Variants in DDX39A observed in about 807,000 individuals in gnomAD.
DDX39A encodes ATP-dependent RNA helicase DDX39A.
A neutral mutation model predicts 46.3 loss-of-function variants in DDX39A; 13 were observed. The observed-to-expected ratio is 0.28, with a 90% CI of 0.18 to 0.45. The LOEUF (loss-of-function observed/expected upper bound fraction) is 0.45, where lower values mean the gene tolerates loss of function less well. Ranked by LOEUF, DDX39A falls within the 20% of genes least tolerant of loss-of-function variation. The probability of loss-of-function intolerance (pLI) is 1.00; values close to 1 mark genes in which losing one functional copy is unlikely to be tolerated. For missense variants in DDX39A, 352 were observed against 581.8 expected (o/e 0.61, Z 4.06); for synonymous variants, 234 against 224.6 (o/e 1.04, Z -0.38).
At chr19:14,419,243 GC>G (rs1976950171) in intron 1 of DDX39A, 26 bp downstream of exon 1, 2 of 252,890 alleles carry the variant, frequency 7.9e-6, no homozygotes, top group South Asian at 3.1e-5. Flanking sequence ...CCACACCGCG[GC>G]CCCGCGCCCG....
intron 1 of DDX39A, among the ~76,000 whole-genome samples, chr19:14,418,290 C>T (rs1976901799): frequency 6.6e-6 from 1 of 152,030 alleles, no homozygotes; most frequent in Non-Finnish European, 1.5e-5. Context: ...AGTGGGTGGC[C>T]ATGACCGCTA....
chr19:14,415,651 C>T (rs1212668432), intron 1 of DDX39A, among the ~76,000 whole-genome samples: 2 of 151,996 alleles, frequency 1.3e-5, no homozygotes, highest in African/African-American at 4.8e-5. Context: ...CTACATTTTG[C>T]TTAACCACTG....
rs1976491492 is a variant in DDX39A, at chr19:14,409,826, G to A, written c.780C>T (p.Gly260=). ...TGAGTTTGACGTAGTACTGCTGCAG[G>A]CCGTGCAGCGTGAGCTTGGTCTCGT... ...VDDETKLTLH[G]LQQYYVKLKD... The change falls in exon 7 of 11, where the codon GGC becomes GGT. Residue 260 remains glycine (G), a synonymous_variant. Coordinates refer to ENST00000242776, the MANE Select transcript of DDX39A (RefSeq NM_005804.4). The surrounding 1 kb of genome is among the most constrained non-coding windows in gnomAD (Gnocchi z 8.3). 6.2e-7 allele frequency: 1 copy of A among 1,614,010 alleles called. No individual in the cohort carries two copies. The highest frequency in any genetic ancestry group is 1.3e-5 in the African/African-American group (1 of 74,928).
chr19:14,413,346 C>A, intron 1 of DDX39A, 122 bp from the exon 2 acceptor site: 1 of 874,666 alleles, frequency 1.1e-6, no homozygotes, highest in Non-Finnish European at 1.7e-6. Context: ...CTGGGCTGCA[C>A]CTCGCAGCTT....
rs1568325393 is a variant in DDX39A, at chr19:14,410,040, C to T, written c.733-167G>A. ...AAGCTGGATGTAAGCTCTGGCCCGACTCAGGTGTGGACCAAGCTTGACTCC... is the reference window on the plus strand; with the variant it reads ...AAGCTGGATGTAAGCTCTGGCCCGATTCAGGTGTGGACCAAGCTTGACTCC... On this transcript the variant is annotated intron_variant, in intron 6 of 10. Coordinates refer to ENST00000242776, the MANE Select transcript of DDX39A (RefSeq NM_005804.4). The surrounding 1 kb of genome is among the most constrained non-coding windows in gnomAD (Gnocchi z 4.3). The T allele has an allele frequency of 2.7e-6, 3 of 1,095,466 alleles. No homozygotes were observed. Among genetic ancestry groups the T allele is most frequent in the Non-Finnish European group, 4.1e-6 (3 of 726,250 alleles). 67.9% of individuals were successfully genotyped at this position (1,095,466 alleles called of 1,614,324 possible). A position where few individuals can be genotyped will look rare whatever the true frequency, so the allele number is the denominator to read the frequency against.
Position 14,409,075 on chromosome 19 carries a change from A to T in DDX39A, c.1229T>A (p.Val410Glu). ...GTCGATTTCCTCTGGAAGTTCTGCC[A>T]CATTAACTTCAAACCGGTCCTGGAC... ...NDVQDRFEVNVAELPEEIDIS... is the reference protein window; with the variant it reads ...NDVQDRFEVNEAELPEEIDIS... Residue 410 changes from valine (V) to glutamate (E), a missense_variant, in exon 10 of 11, where the codon GTG (valine) becomes GAG (glutamate). Coordinates refer to ENST00000242776, the MANE Select transcript of DDX39A (RefSeq NM_005804.4). This position sits in a 1 kb window ranked among gnomAD's most constrained non-coding sequence, Gnocchi z 8.3. 6.2e-7 allele frequency: 1 copy of T among 1,614,244 alleles called. No individual in the cohort carries two copies. Among genetic ancestry groups the T allele is most frequent in the Non-Finnish European group, 8.5e-7 (1 of 1,180,044 alleles).
intron 1 of DDX39A, among the ~76,000 whole-genome samples, chr19:14,418,580 C>A (rs1976913576): frequency 1.3e-5 from 2 of 152,044 alleles, no homozygotes; most frequent in Admixed American, 1.3e-4. Flanking sequence ...GCCTCAGCCT[C>A]CCGAGTAGCT....
rs1976505134 is a variant in DDX39A at position 14,410,038 on chromosome 19, G to A, written c.733-165C>T. On this transcript the variant is annotated intron_variant, in intron 6 of 10. Coordinates refer to ENST00000242776, the MANE Select transcript of DDX39A (RefSeq NM_005804.4). The surrounding 1 kb of genome is among the most constrained non-coding windows in gnomAD (Gnocchi z 4.3). ...AAAAGCTGGATGTAAGCTCTGGCCC[G>A]ACTCAGGTGTGGACCAAGCTTGACT... 2.7e-6 allele frequency: 3 copies of A among 1,097,634 alleles called. No homozygotes were observed. Among genetic ancestry groups the A allele is most frequent in the South Asian group, 1.3e-5 (1 of 78,350 alleles). 68.0% of individuals were successfully genotyped at this position (1,097,634 alleles called of 1,614,324 possible). A position where few individuals can be genotyped will look rare whatever the true frequency, so the allele number is the denominator to read the frequency against.
At chr19:14,414,329 T>TTAC in intron 1 of DDX39A, among the ~76,000 whole-genome samples, 1 of 37,410 alleles carries the variant, frequency 2.7e-5, no homozygotes, top group Non-Finnish European at 5.6e-5. Context: ...ACCTGTTTTA[T>TTAC]TATTATTATT....
chr19:14,419,354 G>C, upstream of DDX39A: 1 of 216,990 alleles, frequency 4.6e-6, no homozygotes, highest in Non-Finnish European at 9.6e-6. Context: ...GAGTTGCTGC[G>C]CTTCCTGCCT....
chr19:14,414,327 TA>T (rs1379381833), intron 1 of DDX39A, among the ~76,000 whole-genome samples: 6,709 of 36,946 alleles, frequency 0.18, 262 homozygotes, highest in African/African-American at 0.39. Flanking sequence ...TCACCTGTTT[TA>T]TTATTATTAT....
chr19:14,413,107 G>A lies in DDX39A; in HGVS notation c.114C>T (p.Tyr38=), dbSNP rs1188861267. ...GGAAGCCAGAGCTGTGGATGGAAAC[G>A]TAGGATCCCTTGATGTCTTTCTTAG... The part of the protein sequence containing the change: ...APPKKDIKGS[Y]VSIHSSGFRD... Residue 38 remains tyrosine, a synonymous_variant, in exon 2 of 11, where the codon TAC becomes TAT. Coordinates refer to ENST00000242776, the MANE Select transcript of DDX39A (RefSeq NM_005804.4). 13 of 1,614,126 alleles carry A rather than the reference G, an allele frequency of 8.1e-6. No individual in the cohort carries two copies. The East Asian group carries it at 8.9e-5, about 11-fold the overall frequency.
At position 14,408,837 on chromosome 19, in the gene DDX39A, A is replaced by C; in HGVS notation, c.*99T>G. 6.8e-7 allele frequency: 1 copy of C among 1,479,874 alleles called. No individual in the cohort carries two copies. The highest frequency in any genetic ancestry group is 9.0e-7 in the Non-Finnish European group (1 of 1,106,212). The allele number at this position is 1,479,874 out of a possible 1,614,324, so 91.7% of individuals were successfully genotyped here. ...GCCAGGCTTCCATAATAACAAGTTT[A>C]TTCTCATACAATCTCTAGCTTCTCA... On this transcript the variant is annotated 3_prime_UTR_variant, in exon 11 of 11. Coordinates refer to ENST00000242776, the MANE Select transcript of DDX39A (RefSeq NM_005804.4).
At position 14,412,826 on chromosome 19, in the gene DDX39A, G is replaced by T; in HGVS notation, c.209-148C>A. ...AGACACCTGCAGGGCTGGGGTATCCGCCTGGTCAAAGCAGAACGCCCCACT... is the reference window on the plus strand; with the variant it reads ...AGACACCTGCAGGGCTGGGGTATCCTCCTGGTCAAAGCAGAACGCCCCACT... On this transcript the variant is annotated intron_variant, in intron 2 of 10. Coordinates refer to ENST00000242776, the MANE Select transcript of DDX39A (RefSeq NM_005804.4). This position sits in a 1 kb window ranked among gnomAD's most constrained non-coding sequence, Gnocchi z 4.4. The T allele has an allele frequency of 7.7e-7, 1 of 1,299,928 alleles. No individual in the cohort carries two copies. The highest frequency in any genetic ancestry group is 1.0e-6 in the Non-Finnish European group (1 of 958,150). The allele number at this position is 1,299,928 out of a possible 1,614,324, so 80.5% of individuals were successfully genotyped here.
In DDX39A at chr19:14,411,182, TGAG is replaced by T. The variant is rs765956197; in HGVS notation, c.430-13_430-11del. ...CGAAGAACACAGACACCTATGGGGA[TGAG>T]GAGGAAACCGCTCCATGCTGATACA... On this transcript the variant is annotated splice_polypyrimidine_tract_variant and intron_variant, in intron 4 of 10. Coordinates refer to ENST00000242776, the MANE Select transcript of DDX39A (RefSeq NM_005804.4). This position sits in a 1 kb window ranked among gnomAD's most constrained non-coding sequence, Gnocchi z 4.1. The T allele has an allele frequency of 6.4e-7, 1 of 1,564,178 alleles. No individual in the cohort carries two copies. Among genetic ancestry groups the T allele is most frequent in the East Asian group, 2.3e-5 (1 of 44,194 alleles).
chr19:14,410,780 G>C lies in DDX39A; in HGVS notation c.613+209C>G, dbSNP rs1161623330. ...TGTGTGCATGCCTTTACGTCCAGGA[G>C]GGACGGGGGCTTGCTTGGGCCCCGT... is the stretch of plus-strand genomic sequence containing the variant. On this transcript the variant is annotated intron_variant, in intron 5 of 10. Coordinates refer to ENST00000242776, the MANE Select transcript of DDX39A (RefSeq NM_005804.4). This position sits in a 1 kb window ranked among gnomAD's most constrained non-coding sequence, Gnocchi z 4.3. 12 of 556,022 alleles carry C rather than the reference G, an allele frequency of 2.2e-5. No homozygotes were observed. The highest frequency in any genetic ancestry group is 3.8e-5 in the Non-Finnish European group (12 of 315,158). 34.4% of individuals were successfully genotyped at this position (556,022 alleles called of 1,614,324 possible). A position where few individuals can be genotyped will look rare whatever the true frequency, so the allele number is the denominator to read the frequency against.
chr19:14,418,120 CAA>C (rs60701169), intron 1 of DDX39A, among the ~76,000 whole-genome samples: 2,637 of 52,042 alleles, frequency 0.051, 19 homozygotes, highest in African/African-American at 0.11. Flanking sequence ...GGCTCTGTCT[CAA>C]AAAAAAAAAA....
intron 1 of DDX39A, chr19:14,415,881 G>A: frequency 6.0e-6 from 1 of 166,422 alleles, no homozygotes; most frequent in Non-Finnish European, 1.3e-5. Flanking sequence ...GGACCAGCCT[G>A]ACCAACATGG....
chr19:14,418,010 A>C (rs2146396539), intron 1 of DDX39A, among the ~76,000 whole-genome samples: 1 of 151,862 alleles, frequency 6.6e-6, no homozygotes, highest in South Asian at 2.1e-4. Context: ...CTCTACTACA[A>C]ATACAAAAAT....
Sources: gnomAD v4.1 joint callset for allele counts (sites outside exome capture counted in the v4.1 genomes callset) on GRCh38, gnomAD v4.1.1 for gene constraint, Gnocchi (gnomAD v3.1) non-coding constraint, MANE v1.5 for transcripts, NCBI Gene and HGNC (gene_info 2026-07-23, HGNC 2026-07-21) for gene names.